GOLPH3L: variants seen among roughly 807,000 people sequenced by gnomAD.
GOLPH3L encodes the protein golgi phosphoprotein 3 like, also known as Golgi phosphoprotein 3-like.
In GOLPH3L, 22 loss-of-function variants were observed where a neutral mutation model predicts 30.3. That is an observed-to-expected ratio of 0.73 (90% CI 0.52 to 1.04). The LOEUF (loss-of-function observed/expected upper bound fraction) is 1.04, where lower values mean the gene tolerates loss of function less well. GOLPH3L is among the 50% of genes least tolerant of loss of function. The pLI, the probability that GOLPH3L is intolerant of heterozygous loss-of-function variation, is 0.00. For missense variants in GOLPH3L, 303 were observed against 345.8 expected (o/e 0.88, Z 0.98); for synonymous variants, 120 against 128.2 (o/e 0.94, Z 0.43).
intron 2 of GOLPH3L, among the ~76,000 whole-genome samples, chr1:150,678,791 G>A (rs1010845881): frequency 6.6e-6 from 1 of 151,962 alleles, no homozygotes; most frequent in Admixed American, 6.6e-5. Flanking sequence ...CCCATCTCTA[G>A]TAAAAACACA....
chr1:150,648,487 G>A lies in GOLPH3L; in HGVS notation c.692C>T (p.Ser231Phe), dbSNP rs777228303. The A allele has an allele frequency of 3.1e-6, 5 of 1,613,824 alleles. No homozygotes were observed. The highest frequency in any genetic ancestry group is 8.5e-7 in the Non-Finnish European group (1 of 1,179,854). ...RTLALLVLAH[S>F]SDVLENVFSS... The stretch of plus-strand genomic sequence containing the variant: ...GAAGACATTCTCTAGCACATCAGAG[G>A]AGTGGGCTAGCACCAGGAGTGCTAG... Residue 231 changes from serine (S) to phenylalanine (F), a missense_variant, in exon 5 of 5, where the codon TCC becomes TTC. By Grantham distance (155) the Ser-to-Phe change is radical. Coordinates refer to ENST00000271732, the MANE Select transcript of GOLPH3L (RefSeq NM_018178.6).
chr1:150,682,394 G>A (rs1650975337), intron 2 of GOLPH3L, among the ~76,000 whole-genome samples: 1 of 151,982 alleles, frequency 6.6e-6, no homozygotes. Context: ...TTGGGAGGCT[G>A]AGGCAGGTAG....
intron 4 of GOLPH3L, among the ~76,000 whole-genome samples, chr1:150,652,067 G>A (rs587759350): frequency 5.3e-4 from 80 of 152,070 alleles, no homozygotes; most frequent in African/African-American, 1.9e-3. Flanking sequence ...GAAAGCAGAA[G>A]AGAAAAATGA....
At chr1:150,670,149 C>G (rs587773734) in intron 2 of GOLPH3L, among the ~76,000 whole-genome samples, 4 of 151,876 alleles carry the variant, frequency 2.6e-5, no homozygotes, top group African/African-American at 9.7e-5. Flanking sequence ...GTAATCCCAG[C>G]CACTCAGGAA....
chr1:150,694,935 A>G (rs1326645444), intron 1 of GOLPH3L, 85 bp from the exon 2 acceptor site: 1 of 718,666 alleles, frequency 1.4e-6, no homozygotes, highest in Non-Finnish European at 2.4e-6. Flanking sequence ...AAACATCCAT[A>G]CAAATAGGAA....
chr1:150,687,331 A>G lies in GOLPH3L; in HGVS notation c.183+7325T>C, dbSNP rs771145225. On this transcript the variant is annotated intron_variant, in intron 2 of 4. Coordinates refer to ENST00000271732, the MANE Select transcript of GOLPH3L (RefSeq NM_018178.6). The stretch of plus-strand genomic sequence containing the variant: ...GGTGGCTCACATCTGTAATCCCAGC[A>G]CTTTGGGAGGTCGAGGCAGGCGGAT... Among the ~76,000 whole-genome samples, 9 of 151,898 alleles carry G rather than the reference A, an allele frequency of 5.9e-5. 1 individual carries two copies. Among genetic ancestry groups the G allele is most frequent in the Non-Finnish European group, 1.3e-4 (9 of 67,978 alleles).
chr1:150,665,014 T>C (rs929893282), intron 2 of GOLPH3L, among the ~76,000 whole-genome samples: 1 of 152,176 alleles, frequency 6.6e-6, no homozygotes, highest in South Asian at 2.1e-4. Context: ...AGAGAGCCAC[T>C]GGTATTGTCT....
intron 2 of GOLPH3L, among the ~76,000 whole-genome samples, chr1:150,671,958 G>A (rs1650655838): frequency 6.6e-6 from 1 of 151,876 alleles, no homozygotes; most frequent in Non-Finnish European, 1.5e-5. Flanking sequence ...TGAGTATCCA[G>A]GATTATTACA....
intron 1 of GOLPH3L, among the ~76,000 whole-genome samples, chr1:150,695,682 G>A (rs959745907): frequency 1.1e-4 from 17 of 152,200 alleles, no homozygotes; most frequent in African/African-American, 4.1e-4. Context: ...AGAAATACAT[G>A]TTCTATATTT....
chr1:150,663,857 G>A lies in GOLPH3L; in HGVS notation c.184-94C>T, dbSNP rs587651937. The A allele has an allele frequency of 2.8e-3, 2,763 of 992,426 alleles. 42 individuals are homozygous for A. The highest frequency in any genetic ancestry group is 0.02 in the South Asian group (1,354 of 68,808). 61.5% of individuals were successfully genotyped at this position (992,426 alleles called of 1,614,324 possible). A position where few individuals can be genotyped will look rare whatever the true frequency, so the allele number is the denominator to read the frequency against. ...AGAACAGGCCGCTTTGTTGTGATTC[G>A]TTTCACATCATACTACATGAACTCA... On this transcript the variant is annotated intron_variant, in intron 2 of 4. Transcript: ENST00000271732.
intron 4 of GOLPH3L, among the ~76,000 whole-genome samples, chr1:150,650,144 T>A (rs7529194): frequency 0.38 from 57,306 of 151,942 alleles, 11,078 homozygotes; most frequent in South Asian, 0.54. Context: ...ACTCCCTGAT[T>A]TGTGATGGCT....
chr1:150,650,652 T>C (rs1328110863), intron 4 of GOLPH3L, among the ~76,000 whole-genome samples: 2 of 152,176 alleles, frequency 1.3e-5, no homozygotes, highest in African/African-American at 4.8e-5. Flanking sequence ...TGTGAGACTC[T>C]AATAAATGCA....
rs587765233 is a variant in GOLPH3L at position 150,653,309 on chromosome 1, T to A, written c.431-4561A>T. Among the ~76,000 whole-genome samples the A allele has an allele frequency of 6.7e-5, 10 of 149,948 alleles. No individual in the cohort carries two copies. The South Asian group carries it at 1.9e-3, about 28-fold the overall frequency. On this transcript the variant is annotated intron_variant, in intron 4 of 4. Transcript: ENST00000271732. Reference sequence around the variant, plus strand: ...ATCTTTTTTTTTTTATTTTTTTTTTTTTTTGAGACGGAGTCTCACACTGTC... The same window carrying A: ...ATCTTTTTTTTTTTATTTTTTTTTTATTTTGAGACGGAGTCTCACACTGTC...
At chr1:150,664,515 G>A (rs144984465) in intron 2 of GOLPH3L, among the ~76,000 whole-genome samples, 6,153 of 151,804 alleles carry the variant, frequency 0.041, 156 homozygotes, top group Non-Finnish European at 0.063. Context: ...GTGCAGTGAC[G>A]TGATCTTGGC....
intron 2 of GOLPH3L, among the ~76,000 whole-genome samples, chr1:150,689,511 A>G (rs1651162176): frequency 6.6e-6 from 1 of 152,180 alleles, no homozygotes; most frequent in Non-Finnish European, 1.5e-5. Context: ...CTCAATGTTT[A>G]CTTTCTCAGT....
chr1:150,656,546 A>G (rs1650244429), intron 4 of GOLPH3L, among the ~76,000 whole-genome samples: 1 of 152,192 alleles, frequency 6.6e-6, no homozygotes, highest in Non-Finnish European at 1.5e-5. Context: ...AAGACTCTAG[A>G]TTTGCTAATT....
In GOLPH3L at chr1:150,664,005, A is replaced by ATT. The variant is rs143298898; in HGVS notation, c.184-244_184-243dup. 1.7e-4 allele frequency among the ~76,000 whole-genome samples: 25 copies of ATT among 149,170 alleles called. 1 individual carries two copies. Among genetic ancestry groups the ATT allele is most frequent in the Non-Finnish European group, 2.4e-4 (16 of 67,214 alleles). ...GCTGTTAGTCAATAAATGATGTGCA[A>ATT]TTTTTTTTTTTGAGACAGGGTCTCG... On this transcript the variant is annotated intron_variant, in intron 2 of 4. Transcript: ENST00000271732.
At chr1:150,663,835 A>C (rs1358881158) in intron 2 of GOLPH3L, 72 bp from the exon 3 acceptor site, 2 of 1,306,618 alleles carry the variant, frequency 1.5e-6, no homozygotes, top group Non-Finnish European at 2.2e-6. Flanking sequence ...CACCCTAAGA[A>C]CAGGCCGCTT....
intron 4 of GOLPH3L, among the ~76,000 whole-genome samples, chr1:150,652,178 G>A (rs1201099060): frequency 2.6e-5 from 4 of 151,962 alleles, no homozygotes; most frequent in African/African-American, 4.8e-5. Context: ...AGTGAGGGTA[G>A]AAACTATTAG....
Sources: gnomAD v4.1 joint callset for allele counts (sites outside exome capture counted in the v4.1 genomes callset) on GRCh38, gnomAD v4.1.1 for gene constraint, MANE v1.5 for transcripts, NCBI Gene and HGNC (gene_info 2026-07-23, HGNC 2026-07-21) for gene names.